ACSBG1: variants seen among roughly 807,000 people sequenced by gnomAD.
ACSBG1 encodes the protein acyl-CoA synthetase bubblegum family member 1.
ACSBG1 carries 39 observed loss-of-function variants against 80.2 expected under a neutral mutation model. The ratio of observed to expected loss-of-function variants is 0.49; its 90% confidence interval spans 0.38 to 0.64. The LOEUF (loss-of-function observed/expected upper bound fraction) is 0.64, where lower values mean the gene tolerates loss of function less well. Ranked by LOEUF, ACSBG1 falls within the 30% of genes least tolerant of loss-of-function variation. The probability of loss-of-function intolerance (pLI) is 0.00; values close to 1 mark genes in which losing one functional copy is unlikely to be tolerated. For synonymous variants in ACSBG1, 392 were observed against 379.5 expected, an observed-to-expected ratio of 1.03 and a Z score of -0.38; for missense variants, 828 against 966.4, an observed-to-expected ratio of 0.86 and a Z score of 1.90.
At chr15:78,211,551 A>T (rs2075267531) in intron 1 of ACSBG1, among the ~76,000 whole-genome samples, 1 of 152,248 alleles carries the variant, frequency 6.6e-6, no homozygotes, top group Non-Finnish European at 1.5e-5. Context: ...CTTTAAGCTC[A>T]TCGCCTTGCT....
chr15:78,220,245 T>C (rs1567098556), intron 1 of ACSBG1, among the ~76,000 whole-genome samples: 1 of 152,240 alleles, frequency 6.6e-6, no homozygotes, highest in Non-Finnish European at 1.5e-5. Flanking sequence ...ATATTTGTCT[T>C]TTCAACAAAT....
intron 1 of ACSBG1, among the ~76,000 whole-genome samples, chr15:78,211,709 A>G (rs1350327303): frequency 6.6e-6 from 1 of 152,044 alleles, no homozygotes; most frequent in Non-Finnish European, 1.5e-5. Context: ...CTTTCTCTTA[A>G]CCATCTCTTG....
In ACSBG1 at chr15:78,171,312, G is replaced by A; in HGVS notation, c.*132C>T. Reference sequence around the variant, plus strand: ...AAGACCTGGTAAATGTAGAGCCAGTGCTGTGCCCTGACCTGGAGATCTAAC... The same window carrying A: ...AAGACCTGGTAAATGTAGAGCCAGTACTGTGCCCTGACCTGGAGATCTAAC... On this transcript the variant is annotated 3_prime_UTR_variant, in exon 14 of 14. Transcript: ENST00000258873. The A allele has an allele frequency of 1.5e-6, 1 of 659,290 alleles. No individual in the cohort carries two copies. Among genetic ancestry groups the A allele is most frequent in the Non-Finnish European group, 2.6e-6 (1 of 382,596 alleles). The allele number at this position is 659,290 out of a possible 1,614,324, so 40.8% of individuals were successfully genotyped here.
At chr15:78,233,396 T>C (rs1163258540) in intron 1 of ACSBG1, among the ~76,000 whole-genome samples, 1 of 152,208 alleles carries the variant, frequency 6.6e-6, no homozygotes, top group African/African-American at 2.4e-5. Flanking sequence ...GGACAGGGGC[T>C]GTAGTCTTGG....
chr15:78,198,540 G>A (rs142557183), intron 2 of ACSBG1, among the ~76,000 whole-genome samples: 5,746 of 151,256 alleles, frequency 0.038, 200 homozygotes, highest in East Asian at 0.17. Context: ...TAGAGATGGC[G>A]TTTCGCCATG....
intron 9 of ACSBG1, 44 bp from the exon 10 acceptor site, chr15:78,179,824 C>G (rs763579668): frequency 5.6e-5 from 71 of 1,278,758 alleles, no homozygotes; most frequent in Admixed American, 1.3e-4. Flanking sequence ...ATCACACACA[C>G]ACACACACAC....
rs559674479 is a variant in ACSBG1 at position 78,169,254 on chromosome 15, C to T, written c.*2190G>A. 6.4e-6 allele frequency: 2 copies of T among 311,366 alleles called. No individual in the cohort carries two copies. The highest frequency in any genetic ancestry group is 2.1e-5 in the African/African-American group (1 of 46,766). The allele number at this position is 311,366 out of a possible 1,614,324, so 19.3% of individuals were successfully genotyped here. On this transcript the variant is annotated 3_prime_UTR_variant, in exon 14 of 14. Transcript: ENST00000258873. Reference sequence around the variant, plus strand: ...ACCTGGTAAATGTTTTTTTTGTAAACTCTGAGTGGACTGTATCATTTGCTA... The same window carrying T: ...ACCTGGTAAATGTTTTTTTTGTAAATTCTGAGTGGACTGTATCATTTGCTA...
At chr15:78,179,834 CACACACACAT>C (rs907753472) in intron 9 of ACSBG1, 54 bp from the exon 10 acceptor site, 3 of 1,314,630 alleles carry the variant, frequency 2.3e-6, no homozygotes, top group Non-Finnish European at 3.2e-6. Flanking sequence ...CACACACACA[CACACACACAT>C]ACACACATTA....
intron 8 of ACSBG1, 151 bp from the exon 9 acceptor site, chr15:78,181,087 C>G: frequency 1.1e-6 from 1 of 895,330 alleles, no homozygotes; most frequent in East Asian, 2.7e-5. Context: ...ACTGTTTCCT[C>G]AATGGCTGTC....
chr15:78,208,889 C>T (rs1015177874), intron 1 of ACSBG1, among the ~76,000 whole-genome samples: 3 of 152,242 alleles, frequency 2.0e-5, no homozygotes, highest in Admixed American at 6.5e-5. Flanking sequence ...CTGGCCAGAC[C>T]TCAACCTCCT....
chr15:78,212,075 C>T (rs567426641), intron 1 of ACSBG1, among the ~76,000 whole-genome samples: 1 of 152,318 alleles, frequency 6.6e-6, no homozygotes, highest in East Asian at 1.9e-4. Flanking sequence ...GGATGAGGAT[C>T]CGTTTCCCAT....
chr15:78,188,040 CAG>C (rs572378148), intron 5 of ACSBG1, among the ~76,000 whole-genome samples: 28 of 152,288 alleles, frequency 1.8e-4, no homozygotes, highest in African/African-American at 6.7e-4. Context: ...AACAGACAAA[CAG>C]AGAGTCAAAT....
chr15:78,217,781 G>A (rs2075324301), intron 1 of ACSBG1, among the ~76,000 whole-genome samples: 1 of 152,066 alleles, frequency 6.6e-6, no homozygotes, highest in African/African-American at 2.4e-5. Flanking sequence ...TGGTCAGGCT[G>A]GTCTCGTACT....
At chr15:78,196,706 A>G (rs893099542) in intron 2 of ACSBG1, among the ~76,000 whole-genome samples, 1 of 152,196 alleles carries the variant, frequency 6.6e-6, no homozygotes, top group East Asian at 1.9e-4. Context: ...AATTGAAACA[A>G]CCCAAATGTC....
intron 2 of ACSBG1, among the ~76,000 whole-genome samples, chr15:78,204,772 T>C (rs2075198898): frequency 6.6e-6 from 1 of 152,192 alleles, no homozygotes; most frequent in South Asian, 2.1e-4. Flanking sequence ...GGCCTCAAAC[T>C]GTGAGCTTCT....
At chr15:78,175,847 T>C (rs939300060) in intron 11 of ACSBG1, among the ~76,000 whole-genome samples, 5 of 152,142 alleles carry the variant, frequency 3.3e-5, no homozygotes. Context: ...TCTGGAAATG[T>C]GGGAAGACAA....
intron 5 of ACSBG1, 140 bp from the exon 6 acceptor site, chr15:78,182,925 TG>T (rs2074964190): frequency 1.2e-6 from 1 of 824,114 alleles, no homozygotes; most frequent in Non-Finnish European, 1.9e-6. Flanking sequence ...GCAGGACAAC[TG>T]CCACCCTTCA....
chr15:78,168,745 G>C lies in ACSBG1; in HGVS notation c.*2699C>G, dbSNP rs1595874342. On this transcript the variant is annotated 3_prime_UTR_variant, in exon 14 of 14. Coordinates refer to ENST00000258873, the MANE Select transcript of ACSBG1 (RefSeq NM_015162.5). The stretch of plus-strand genomic sequence containing the variant: ...TGTATACACTATGAGATTGGATCCC[G>C]ATCCTCCTGGGCTGGGTAGATGGTG... 1.8e-6 allele frequency: 1 copy of C among 560,162 alleles called. No individual in the cohort carries two copies. Among genetic ancestry groups the C allele is most frequent in the South Asian group, 2.3e-5 (1 of 42,710 alleles). The allele number at this position is 560,162 out of a possible 1,614,324, so 34.7% of individuals were successfully genotyped here.
chr15:78,194,648 G>A lies in ACSBG1; in HGVS notation c.311C>T (p.Thr104Ile), dbSNP rs1046003939. 3.1e-6 allele frequency: 5 copies of A among 1,614,120 alleles called. No individual in the cohort carries two copies. Among genetic ancestry groups the A allele is most frequent in the South Asian group, 2.2e-5 (2 of 91,096 alleles). ...GGCCTCGTAGAACATCCGATGCACAGTGTAGGGAAGCTGTGGGCAGCTGGG... is the reference window on the plus strand; with the variant it reads ...GGCCTCGTAGAACATCCGATGCACAATGTAGGGAAGCTGTGGGCAGCTGGG... ...IDPSCPQLPY[T>I]VHRMFYEALD... Residue 104 changes from threonine to isoleucine, a missense_variant, in exon 3 of 14, where the codon ACT becomes ATT. By Grantham distance (89) the Thr-to-Ile change is moderately conservative. Around this residue, in one of 3 missense-constraint regions of ACSBG1, gnomAD observed 356 missense variants for 363.5 expected, o/e 0.98. Coordinates refer to ENST00000258873, the MANE Select transcript of ACSBG1 (RefSeq NM_015162.5).
Sources: allele counts gnomAD v4.1 joint callset (sites outside exome capture counted in the v4.1 genomes callset), GRCh38; gene constraint gnomAD v4.1.1; regional missense constraint gnomAD v4.1.1; transcripts MANE v1.5; gene names NCBI Gene and HGNC (gene_info 2026-07-23, HGNC 2026-07-21).